SOX5: variants seen among roughly 807,000 people sequenced by gnomAD.
SOX5 encodes SRY-box transcription factor 5.
A neutral mutation model predicts 92.0 loss-of-function variants in SOX5; 9 were observed. The ratio of observed to expected loss-of-function variants is 0.10; its 90% CI spans 0.06 to 0.17. The LOEUF (loss-of-function observed/expected upper bound fraction) is 0.17. SOX5 is among the 10% of genes least tolerant of loss of function. The pLI is 1.00. For missense variants in SOX5, 642 were observed against 944.5 expected, an observed-to-expected ratio of 0.68 and a Z score of 4.20; for synonymous variants, 344 against 336.3, an observed-to-expected ratio of 1.02 and a Z score of -0.25.
chr12:23,787,342 A>G (rs1265813215), intron 3 of SOX5, among the ~76,000 whole-genome samples: 1 of 152,046 alleles, frequency 6.6e-6, no homozygotes, highest in East Asian at 1.9e-4. Context: ...CTGTGAACAA[A>G]CTATTTAAAA....
intron 4 of SOX5, among the ~76,000 whole-genome samples, chr12:24,198,418 C>A (rs1268961705): frequency 1.3e-5 from 2 of 152,210 alleles, no homozygotes; most frequent in African/African-American, 4.8e-5. Context: ...TTATCTGGAT[C>A]TCTCTATTGA....
intron 8 of SOX5, among the ~76,000 whole-genome samples, chr12:23,607,398 G>T (rs1218733349): frequency 2.0e-5 from 3 of 152,114 alleles, no homozygotes; most frequent in Non-Finnish European, 4.4e-5. Flanking sequence ...AAGTTAATAG[G>T]AAATTTCAGT....
intron 10 of SOX5, among the ~76,000 whole-genome samples, chr12:23,574,055 G>A (rs75682214): frequency 0.14 from 20,726 of 150,634 alleles, 1,554 homozygotes; most frequent in Admixed American, 0.22. Context: ...TGCAATACCA[G>A]CTGCTAAGTT....
chr12:23,804,972 T>TC (rs2095742847), intron 3 of SOX5, among the ~76,000 whole-genome samples: 1 of 2,498 alleles, frequency 4.0e-4, no homozygotes, highest in African/African-American at 4.4e-4. Context: ...TATATATTCC[T>TC]TTAAAAAATC....
intron 3 of SOX5, among the ~76,000 whole-genome samples, chr12:24,217,136 G>C (rs1959212392): frequency 6.6e-6 from 1 of 152,130 alleles, no homozygotes; most frequent in South Asian, 2.1e-4. Context: ...AGCACTTTTT[G>C]TGAGATAGCT....
At chr12:24,482,601 A>ATTTATATTTAT (rs1946110022) in intron 1 of SOX5, among the ~76,000 whole-genome samples, 1 of 152,216 alleles carries the variant, frequency 6.6e-6, no homozygotes, top group Admixed American at 6.5e-5. Flanking sequence ...ACCCTTCTAC[A>ATTTATATTTAT]AATAGTATAT....
intron 3 of SOX5, among the ~76,000 whole-genome samples, chr12:24,254,935 G>A (rs955122250): frequency 6.6e-6 from 1 of 151,834 alleles, no homozygotes; most frequent in African/African-American, 2.4e-5. Flanking sequence ...CTAAAGAAGA[G>A]GTAAGAAACA....
chr12:24,002,258 C>A (rs899735065), intron 4 of SOX5, among the ~76,000 whole-genome samples: 4 of 151,556 alleles, frequency 2.6e-5, no homozygotes, highest in Non-Finnish European at 4.4e-5. Context: ...GAGAAAAAAT[C>A]AATGAAACGT....
chr12:24,363,981 G>A (rs1370092544), intron 2 of SOX5, among the ~76,000 whole-genome samples: 1 of 152,228 alleles, frequency 6.6e-6, no homozygotes, highest in Non-Finnish European at 1.5e-5. Flanking sequence ...TATTGGATCA[G>A]TTGTCTGACA....
At chr12:23,721,714 G>C (rs182734470) in intron 6 of SOX5, among the ~76,000 whole-genome samples, 2 of 152,298 alleles carry the variant, frequency 1.3e-5, no homozygotes, top group East Asian at 3.9e-4. Flanking sequence ...TATGGCATGA[G>C]AGGAGTGAAA....
intron 4 of SOX5, among the ~76,000 whole-genome samples, chr12:23,979,942 T>C (rs2022673): frequency 0.43 from 37,932 of 89,146 alleles, 5,356 homozygotes; most frequent in Middle Eastern, 0.5. Context: ...GACAGATAGA[T>C]AGATAGATAG....
chr12:24,164,925 T>C (rs1380127970), intron 4 of SOX5, among the ~76,000 whole-genome samples: 1 of 152,074 alleles, frequency 6.6e-6, no homozygotes, highest in East Asian at 1.9e-4. Context: ...AAGGTATCTT[T>C]GAAAGTAATA....
intron 8 of SOX5, among the ~76,000 whole-genome samples, chr12:23,625,111 G>A (rs1428373269): frequency 1.3e-5 from 2 of 152,286 alleles, no homozygotes; most frequent in East Asian, 1.9e-4. Context: ...AGAATATAAC[G>A]TAATGATAGT....
intron 4 of SOX5, among the ~76,000 whole-genome samples, chr12:24,048,023 T>C (rs761328211): frequency 2.6e-5 from 4 of 152,114 alleles, no homozygotes; most frequent in Non-Finnish European, 4.4e-5. Context: ...ATCCCAAGAA[T>C]CTTCTCCTTG....
chr12:23,642,450 C>T (rs549935051), intron 7 of SOX5, among the ~76,000 whole-genome samples: 1 of 152,214 alleles, frequency 6.6e-6, no homozygotes, highest in South Asian at 2.1e-4. Flanking sequence ...GATGTTTAAG[C>T]TGAAACTTGA....
chr12:24,322,975 G>C lies in SOX5; in HGVS notation c.-174+45588C>G, dbSNP rs141807421. Among the ~76,000 whole-genome samples, 347 of 151,952 alleles carry C rather than the reference G, an allele frequency of 2.3e-3. 2 individuals are homozygous for C. The highest frequency in any genetic ancestry group is 7.5e-3 in the African/African-American group (312 of 41,482). On this transcript the variant is annotated intron_variant, in intron 2 of 4. Coordinates refer to the SOX5 transcript ENST00000446891. The stretch of plus-strand genomic sequence containing the variant: ...TATGTGTTACTACTATTTTATTAAG[G>C]TTTTTTGTTTTGTTTTGTTTTTTTA...
intron 2 of SOX5, among the ~76,000 whole-genome samples, chr12:23,846,968 T>C (rs1317176388): frequency 6.6e-6 from 1 of 152,160 alleles, no homozygotes; most frequent in African/African-American, 2.4e-5. Context: ...AAATAATTTA[T>C]TGTATGGTTC....
chr12:23,744,299 A>G (rs1309056193), intron 4 of SOX5, among the ~76,000 whole-genome samples: 4 of 152,206 alleles, frequency 2.6e-5, no homozygotes, highest in Non-Finnish European at 5.9e-5. Flanking sequence ...TCTAAAATAC[A>G]TAGTTTCACA....
chr12:23,951,234 G>A (rs1046109493), upstream of SOX5, among the ~76,000 whole-genome samples: 1 of 151,984 alleles, frequency 6.6e-6, no homozygotes, highest in African/African-American at 2.4e-5. Flanking sequence ...TGGCTCAATA[G>A]TCTGTACAGC....
Sources: allele counts gnomAD v4.1 joint callset (sites outside exome capture counted in the v4.1 genomes callset), GRCh38; gene constraint gnomAD v4.1.1; transcripts MANE v1.5; gene names NCBI Gene and HGNC (gene_info 2026-07-23, HGNC 2026-07-21).